ZNF585A: variants seen among roughly 807,000 people sequenced by gnomAD.
The protein encoded by ZNF585A is zinc finger protein 585A.
Under a neutral mutation model 14.9 loss-of-function variants are expected in ZNF585A, and 9 were observed. The observed-to-expected ratio is 0.60, with a 90% CI of 0.36 to 1.05. The LOEUF is 1.05. ZNF585A is among the 50% of genes least tolerant of loss of function. ZNF585A has a pLI of 0.01. For missense variants in ZNF585A, 726 were observed against 926.4 expected, an observed-to-expected ratio of 0.78 and a Z score of 2.81; for synonymous variants, 276 against 319.9, an observed-to-expected ratio of 0.86 and a Z score of 1.46.
chr19:37,152,166 T>C lies in ZNF585A; in HGVS notation c.1733A>G (p.Tyr578Cys), dbSNP rs776385050. 2.5e-6 allele frequency: 4 copies of C among 1,607,872 alleles called. No individual in the cohort carries two copies. The highest frequency in any genetic ancestry group is 8.5e-7 in the Non-Finnish European group (1 of 1,175,970). Residue 578 changes from tyrosine (Y) to cysteine (C), a missense_variant, in exon 5 of 5, where the codon TAT becomes TGT. Transcript: ENST00000292841. ...HQKIHTGEKP[Y>C]VCTECGRAFI... Reference sequence around the variant, plus strand: ...AGCTCTTCCACACTCAGTGCATACATAGGGTTTCTCTCCTGTATGAATTTT... The same window carrying C: ...AGCTCTTCCACACTCAGTGCATACACAGGGTTTCTCTCCTGTATGAATTTT...
At chr19:37,154,786 T>G in intron 4 of ZNF585A, among the ~76,000 whole-genome samples, 1 of 134,546 alleles carries the variant, frequency 7.4e-6, no homozygotes. Context: ...CTCTGAGGCA[T>G]CTCACAGTAA....
rs2145393713 is a variant in ZNF585A at position 37,150,478 on chromosome 19, T to G, written c.*1111A>C. ...ATGGAGAGTGGACCTTACTAGACAT[T>G]GTCACAAGTGGGAAGAGGTAACAGA... On this transcript the variant is annotated 3_prime_UTR_variant, in exon 5 of 5. Transcript: ENST00000292841. 6.6e-6 allele frequency: 1 copy of G among 152,214 alleles called. No individual in the cohort carries two copies. Among genetic ancestry groups the G allele is most frequent in the South Asian group, 2.1e-4 (1 of 4,816 alleles). The allele number at this position is 152,214 out of a possible 1,614,324, so 9.4% of individuals were successfully genotyped here.
Position 37,148,497 on chromosome 19 carries a change from T to G in ZNF585A, c.*3092A>C, listed in dbSNP as rs1971774649. The stretch of plus-strand genomic sequence containing the variant: ...AAACAGACTGGTGATTGCCAAGGGC[T>G]GGGAGTGGGAAAAGGGACTAAAAAG... On this transcript the variant is annotated 3_prime_UTR_variant, in exon 5 of 5. Coordinates refer to ENST00000292841, the MANE Select transcript of ZNF585A (RefSeq NM_001288800.2). The G allele has an allele frequency of 6.6e-6, 1 of 151,934 alleles. No homozygotes were observed. Among genetic ancestry groups the G allele is most frequent in the African/African-American group, 2.4e-5 (1 of 41,340 alleles). The allele number at this position is 151,934 out of a possible 1,614,324, so 9.4% of individuals were successfully genotyped here. A position where few individuals can be genotyped will look rare whatever the true frequency, so the allele number is the denominator to read the frequency against.
At chr19:37,164,534 A>C (rs1015161673) in intron 2 of ZNF585A, among the ~76,000 whole-genome samples, 1 of 152,168 alleles carries the variant, frequency 6.6e-6, no homozygotes, top group African/African-American at 2.4e-5. Flanking sequence ...CCTCATAGCT[A>C]TATATCTTAT....
chr19:37,167,877 G>A (rs1398852654), intron 2 of ZNF585A, among the ~76,000 whole-genome samples: 2 of 151,964 alleles, frequency 1.3e-5, no homozygotes, highest in Admixed American at 6.6e-5. Flanking sequence ...TGATCCACCC[G>A]CCTTGGCTTC....
intron 2 of ZNF585A, among the ~76,000 whole-genome samples, chr19:37,159,248 C>CAAAAA (rs768272181): frequency 1.4e-4 from 10 of 69,294 alleles, no homozygotes; most frequent in East Asian, 5.5e-4. Flanking sequence ...GACTCCATCT[C>CAAAAA]AAAAAAAAAA....
intron 2 of ZNF585A, among the ~76,000 whole-genome samples, chr19:37,157,141 C>T (rs963956973): frequency 2.6e-5 from 4 of 152,056 alleles, no homozygotes; most frequent in Non-Finnish European, 5.9e-5. Context: ...CCAGAAATTT[C>T]GAAGAAACAT....
intron 1 of ZNF585A, among the ~76,000 whole-genome samples, 177 bp from the exon 2 acceptor site, chr19:37,170,231 A>G (rs962886154): frequency 6.6e-6 from 1 of 152,048 alleles, no homozygotes; most frequent in African/African-American, 2.4e-5. Context: ...TTCTCAGCCT[A>G]CTCCACAGTT....
intron 2 of ZNF585A, among the ~76,000 whole-genome samples, chr19:37,164,069 G>A (rs1972050552): frequency 6.6e-6 from 1 of 152,158 alleles, no homozygotes; most frequent in East Asian, 1.9e-4. Context: ...AGTTTCGGAT[G>A]CCGTATTTAC....
At chr19:37,168,915 A>G (rs1972138564) in intron 2 of ZNF585A, among the ~76,000 whole-genome samples, 2 of 152,248 alleles carry the variant, frequency 1.3e-5, no homozygotes, top group Admixed American at 1.3e-4. Context: ...AGAACTAAGC[A>G]ATCAAAGAAA....
chr19:37,155,095 G>A (rs1048589872), intron 4 of ZNF585A, among the ~76,000 whole-genome samples: 14 of 150,972 alleles, frequency 9.3e-5, no homozygotes, highest in Non-Finnish European at 2.1e-4. Context: ...CTGCCTCCCG[G>A]GTTCATGCCA....
chr19:37,147,753 CA>C lies in ZNF585A; in HGVS notation c.*3835del, dbSNP rs1971762164. The C allele has an allele frequency of 3.3e-5, 5 of 152,238 alleles. No individual in the cohort carries two copies. The South Asian group carries it at 1.0e-3, about 32-fold the overall frequency. 9.4% of individuals were successfully genotyped at this position (152,238 alleles called of 1,614,324 possible). On this transcript the variant is annotated 3_prime_UTR_variant, in exon 5 of 5. Transcript: ENST00000292841. The stretch of plus-strand genomic sequence containing the variant: ...TTAAAATATATAAATCTAGTTTTTA[CA>C]CTTATAAATCTTTTATCAAATGTAA...
rs1306890293 is a variant in ZNF585A, at chr19:37,152,711, T to C, written c.1188A>G (p.Ala396=). ...TATGAATTCTCTGATGCACTGTGAG[T>C]GCTGACTTCTGAGTGAAGGCTTTCC... is the stretch of plus-strand genomic sequence containing the variant. The part of the protein sequence containing the change: ...DCGKAFTQKS[A]LTVHQRIHTG... The change falls in exon 5 of 5, where the codon GCA becomes GCG. Residue 396 remains alanine, a synonymous_variant. Coordinates refer to ENST00000292841, the MANE Select transcript of ZNF585A (RefSeq NM_001288800.2). 6.2e-7 allele frequency: 1 copy of C among 1,613,482 alleles called. No individual in the cohort carries two copies.
At chr19:37,162,246 T>C (rs972773948) in intron 2 of ZNF585A, among the ~76,000 whole-genome samples, 1 of 152,238 alleles carries the variant, frequency 6.6e-6, no homozygotes, top group Non-Finnish European at 1.5e-5. Flanking sequence ...TCTTAAAAGC[T>C]ACTTTTTTAA....
intron 2 of ZNF585A, among the ~76,000 whole-genome samples, chr19:37,165,061 C>A (rs1382101842): frequency 6.6e-6 from 1 of 152,160 alleles, no homozygotes; most frequent in African/African-American, 2.4e-5. Flanking sequence ...AGTTAATGTT[C>A]TAGAAATTCA....
In ZNF585A at chr19:37,147,782, CAAGTT is replaced by C. The variant is rs1174438446; in HGVS notation, c.*3802_*3806del. ...TATAAATCTTTTATCAAATGTAATT[CAAGTT>C]ATCACATGGTTTACCTAAAATACAA... On this transcript the variant is annotated 3_prime_UTR_variant, in exon 5 of 5. Coordinates refer to ENST00000292841, the MANE Select transcript of ZNF585A (RefSeq NM_001288800.2). 6.6e-6 allele frequency: 1 copy of C among 152,070 alleles called. No individual in the cohort carries two copies. Among genetic ancestry groups the C allele is most frequent in the African/African-American group, 2.4e-5 (1 of 41,410 alleles). 9.4% of individuals were successfully genotyped at this position (152,070 alleles called of 1,614,324 possible). A position where few individuals can be genotyped will look rare whatever the true frequency, so the allele number is the denominator to read the frequency against.
In ZNF585A at chr19:37,151,105, T is replaced by G. The variant is rs775963031; in HGVS notation, c.*484A>C. Reference sequence around the variant, plus strand: ...TATGACCAACTGTGGTAGATTCGAATGAGAAAGAAAAACACCCAGGAGTCT... The same window carrying G: ...TATGACCAACTGTGGTAGATTCGAAGGAGAAAGAAAAACACCCAGGAGTCT... On this transcript the variant is annotated 3_prime_UTR_variant, in exon 5 of 5. Transcript: ENST00000292841. 1.6e-5 allele frequency: 6 copies of G among 363,902 alleles called. No individual in the cohort carries two copies. Among genetic ancestry groups the G allele is most frequent in the Non-Finnish European group, 2.9e-5 (6 of 204,778 alleles). The allele number at this position is 363,902 out of a possible 1,614,324, so 22.5% of individuals were successfully genotyped here.
chr19:37,170,543 G>C (rs1972166440), intron 1 of ZNF585A, among the ~76,000 whole-genome samples: 1 of 152,198 alleles, frequency 6.6e-6, no homozygotes, highest in Non-Finnish European at 1.5e-5. Flanking sequence ...GAGTGCAGTG[G>C]TGCGATCTCG....
intron 4 of ZNF585A, among the ~76,000 whole-genome samples, chr19:37,155,384 C>T (rs542421798): frequency 7.2e-5 from 11 of 152,026 alleles, no homozygotes; most frequent in African/African-American, 2.6e-4. Context: ...GGCGCAGTAG[C>T]TCATGCCTGT....
Sources: allele counts gnomAD v4.1 joint callset (sites outside exome capture counted in the v4.1 genomes callset), GRCh38; gene constraint gnomAD v4.1.1; transcripts MANE v1.5; gene names NCBI Gene and HGNC (gene_info 2026-07-23, HGNC 2026-07-21).